Variants in LMBR1 observed in about 807,000 individuals in gnomAD.
The protein encoded by LMBR1 is limb development membrane protein 1.
A neutral mutation model predicts 73.9 loss-of-function variants in LMBR1; 52 were observed. The ratio of observed to expected loss-of-function variants is 0.70; its 90% CI spans 0.56 to 0.89. The LOEUF is 0.89. Among genes scored for constraint, LMBR1 ranks in the 40% least tolerant of loss-of-function variants. The pLI, the probability that LMBR1 is intolerant of heterozygous loss-of-function variation, is 0.00. For synonymous variants in LMBR1, 215 were observed against 209.4 expected (o/e 1.03, Z -0.23); for missense variants, 539 against 579.8 (o/e 0.93, Z 0.72).
At chr7:156,752,023 T>C (rs1026339347) in intron 9 of LMBR1, among the ~76,000 whole-genome samples, 1 of 152,094 alleles carries the variant, frequency 6.6e-6, no homozygotes, top group African/African-American at 2.4e-5. Context: ...CATGAGACTT[T>C]CCAGGTGAAG....
intron 1 of LMBR1, among the ~76,000 whole-genome samples, chr7:156,875,521 C>T (rs1211988183): frequency 2.0e-5 from 3 of 152,144 alleles, no homozygotes; most frequent in African/African-American, 7.2e-5. Flanking sequence ...TTGTCATCAA[C>T]TTATCAAAAG....
chr7:156,775,333 A>T (rs1291459114), intron 5 of LMBR1, among the ~76,000 whole-genome samples: 1 of 152,212 alleles, frequency 6.6e-6, no homozygotes, highest in Non-Finnish European at 1.5e-5. Context: ...AAGCCACTGC[A>T]ATCCAGCCTG....
In LMBR1 at chr7:156,681,053, T is replaced by C. The variant is rs1804935718; in HGVS notation, c.*3025A>G. On this transcript the variant is annotated 3_prime_UTR_variant, in exon 17 of 17. Transcript: ENST00000353442. ...TAACATTATACCAGTTTTTTCAAGT[T>C]TAAAAAGTCGGTGCTGCATCTATGT... is the stretch of plus-strand genomic sequence containing the variant. 2.6e-6 allele frequency: 1 copy of C among 389,540 alleles called. No individual in the cohort carries two copies. The highest frequency in any genetic ancestry group is 4.8e-6 in the Non-Finnish European group (1 of 206,768). 24.1% of individuals were successfully genotyped at this position (389,540 alleles called of 1,614,324 possible).
Position 156,727,982 on chromosome 7 carries a change from C to T in LMBR1, c.941G>A (p.Cys314Tyr). The T allele has an allele frequency of 7.4e-6, 12 of 1,613,254 alleles. No homozygotes were observed. The highest frequency in any genetic ancestry group is 1.0e-5 in the Non-Finnish European group (12 of 1,179,634). ...ETSISVLLVACNILCLLVDET... is the reference protein window; with the variant it reads ...ETSISVLLVAYNILCLLVDET... ...ATCAACCAATAGGCAAAGAATATTA[C>T]AAGCCACCAAGAGGACCGAGATGGA... The change falls in exon 12 of 17, where the codon TGT becomes TAT. Residue 314 changes from cysteine to tyrosine, a missense_variant. Cys to Tyr is a radical substitution (Grantham distance 194). Around this residue, in one of 3 missense-constraint regions of LMBR1, gnomAD observed 454 missense variants for 473.4 expected, o/e 0.96. Transcript: ENST00000353442.
chr7:156,706,633 G>A (rs1810995331), intron 15 of LMBR1, among the ~76,000 whole-genome samples: 2 of 151,980 alleles, frequency 1.3e-5, no homozygotes, highest in South Asian at 2.1e-4. Flanking sequence ...TGACCATTGG[G>A]TCAAAGAATA....
intron 5 of LMBR1, among the ~76,000 whole-genome samples, chr7:156,772,393 A>G (rs550043514): frequency 1.3e-5 from 2 of 152,360 alleles, no homozygotes; most frequent in East Asian, 1.9e-4. Context: ...TGTGAAAATA[A>G]TAAGAGCCAT....
intron 1 of LMBR1, among the ~76,000 whole-genome samples, chr7:156,860,079 A>G (rs1797521048): frequency 6.6e-6 from 1 of 152,268 alleles, no homozygotes; most frequent in Admixed American, 6.5e-5. Flanking sequence ...ATCCACGTAC[A>G]ACAAAATGAA....
intron 5 of LMBR1, among the ~76,000 whole-genome samples, chr7:156,773,013 T>C (rs1335532124): frequency 6.6e-6 from 1 of 152,116 alleles, no homozygotes; most frequent in Non-Finnish European, 1.5e-5. Flanking sequence ...GCCAGCAAAG[T>C]TTCAGGATAT....
chr7:156,845,223 C>G (rs929743519), intron 1 of LMBR1, among the ~76,000 whole-genome samples: 11 of 152,108 alleles, frequency 7.2e-5, no homozygotes, highest in African/African-American at 2.4e-4. Context: ...ATAACAAAAT[C>G]CTGAGAGAGA....
intron 12 of LMBR1, 60 bp from the exon 13 acceptor site, chr7:156,725,897 A>C (rs189252190): frequency 1.6e-5 from 20 of 1,271,476 alleles, no homozygotes; most frequent in Admixed American, 8.1e-5. Context: ...GGTTTCCCTA[A>C]AACAGCTGTT....
intron 15 of LMBR1, among the ~76,000 whole-genome samples, chr7:156,698,627 G>A (rs1165664175): frequency 6.6e-6 from 1 of 152,178 alleles, no homozygotes; most frequent in Non-Finnish European, 1.5e-5. Flanking sequence ...GCTGTACCCT[G>A]GCCCTTTAGT....
At chr7:156,805,889 G>A (rs1005689992) in intron 4 of LMBR1, among the ~76,000 whole-genome samples, 2 of 152,146 alleles carry the variant, frequency 1.3e-5, no homozygotes, top group African/African-American at 4.8e-5. Flanking sequence ...CCTATAGGAG[G>A]AGACAGAAGA....
intron 9 of LMBR1, among the ~76,000 whole-genome samples, chr7:156,753,913 C>G (rs1205085280): frequency 6.6e-6 from 1 of 152,176 alleles, no homozygotes; most frequent in East Asian, 1.9e-4. Flanking sequence ...CCTCTCTATT[C>G]CTTTTTTTCA....
intron 9 of LMBR1, among the ~76,000 whole-genome samples, chr7:156,740,849 A>T (rs966845019): frequency 3.9e-5 from 6 of 152,254 alleles, no homozygotes; most frequent in African/African-American, 1.2e-4. Context: ...AGAAAAACAC[A>T]GAATATTATA....
At position 156,681,125 on chromosome 7, in the gene LMBR1, A is replaced by G. The variant is rs756783984; in HGVS notation, c.*2953T>C. Reference sequence around the variant, plus strand: ...GTAAGAATTCTGCCTTTATGCATTAAATAACGTGCTACCAACAAAACTAGC... The same window carrying G: ...GTAAGAATTCTGCCTTTATGCATTAGATAACGTGCTACCAACAAAACTAGC... On this transcript the variant is annotated 3_prime_UTR_variant, in exon 17 of 17. Coordinates refer to ENST00000353442, the MANE Select transcript of LMBR1 (RefSeq NM_022458.4). 9.1e-6 allele frequency: 4 copies of G among 440,034 alleles called. No homozygotes were observed. Among genetic ancestry groups the G allele is most frequent in the African/African-American group, 8.2e-5 (4 of 48,910 alleles). The allele number at this position is 440,034 out of a possible 1,614,324, so 27.3% of individuals were successfully genotyped here.
At chr7:156,759,963 T>C (rs139286725) in intron 8 of LMBR1, among the ~76,000 whole-genome samples, 2 of 152,216 alleles carry the variant, frequency 1.3e-5, no homozygotes, top group Non-Finnish European at 2.9e-5. Flanking sequence ...GGGTGACTAG[T>C]CTAGCAGGAA....
chr7:156,870,673 G>C (rs948747020), intron 1 of LMBR1, among the ~76,000 whole-genome samples: 2 of 151,774 alleles, frequency 1.3e-5, no homozygotes, highest in East Asian at 1.9e-4. Flanking sequence ...GCTGAGGCAG[G>C]AGACTGGTGT....
chr7:156,801,591 G>C (rs1331890612), intron 4 of LMBR1, among the ~76,000 whole-genome samples: 4 of 152,126 alleles, frequency 2.6e-5, no homozygotes, highest in Admixed American at 2.6e-4. Context: ...TGAGACAGTG[G>C]TGTGATCATG....
At chr7:156,726,584 G>A (rs1815804884) in intron 12 of LMBR1, among the ~76,000 whole-genome samples, 1 of 152,104 alleles carries the variant, frequency 6.6e-6, no homozygotes. Context: ...AGTCAGCACA[G>A]ATTACATCTA....
Sources: allele counts gnomAD v4.1 joint callset (sites outside exome capture counted in the v4.1 genomes callset), GRCh38; gene constraint gnomAD v4.1.1; regional missense constraint gnomAD v4.1.1; transcripts MANE v1.5; gene names NCBI Gene and HGNC (gene_info 2026-07-23, HGNC 2026-07-21).